HABP4: variants seen among roughly 807,000 people sequenced by gnomAD.
HABP4 encodes the protein intracellular hyaluronan-binding protein 4.
Under a neutral mutation model 44.1 loss-of-function variants are expected in HABP4, and 32 were observed. The observed-to-expected ratio is 0.73, with a 90% CI of 0.55 to 0.97. The LOEUF (loss-of-function observed/expected upper bound fraction) is 0.97, where lower values mean the gene tolerates loss of function less well. Among genes scored for constraint, HABP4 ranks in the 50% least tolerant of loss-of-function variants. HABP4 has a pLI of 0.00. For missense variants in HABP4, 503 were observed against 561.9 expected (o/e 0.90, Z 1.06); for synonymous variants, 216 against 218.0 (o/e 0.99, Z 0.08).
At position 96,450,734 on chromosome 9, in the gene HABP4, T is replaced by G. The variant is rs1832258648; in HGVS notation, c.349+106T>G. 2.1e-6 allele frequency: 2 copies of G among 956,650 alleles called. No individual in the cohort carries two copies. Among genetic ancestry groups the G allele is most frequent in the East Asian group, 7.1e-5 (2 of 28,044 alleles). The allele number at this position is 956,650 out of a possible 1,614,324, so 59.3% of individuals were successfully genotyped here. On this transcript the variant is annotated intron_variant, in intron 1 of 7. Transcript: ENST00000375249. This position sits in a 1 kb window ranked among gnomAD's most constrained non-coding sequence, Gnocchi z 4.8. ...GGGGCCCGGGAACAGTAGGGAGAGT[T>G]GAGGGTCCTGGTGGCCGCCGAAGGT...
At chr9:96,463,841 C>G (rs571799791) in intron 2 of HABP4, among the ~76,000 whole-genome samples, 1 of 152,290 alleles carries the variant, frequency 6.6e-6, no homozygotes, top group South Asian at 2.1e-4. Context: ...TGTAACATAC[C>G]TCTACTGCTG....
chr9:96,465,700 C>T lies in HABP4; in HGVS notation c.675-10C>T. ...CTTCTGGTTTAAGGGACTATTCTTT[C>T]TTTCCGTAGAGCAGTCAGAACTGAA... is the stretch of plus-strand genomic sequence containing the variant. On this transcript the variant is annotated splice_polypyrimidine_tract_variant and intron_variant, in intron 3 of 7. Coordinates refer to ENST00000375249, the MANE Select transcript of HABP4 (RefSeq NM_014282.4). 6.3e-7 allele frequency: 1 copy of T among 1,578,250 alleles called. No homozygotes were observed. Among genetic ancestry groups the T allele is most frequent in the South Asian group, 1.1e-5 (1 of 90,342 alleles).
chr9:96,488,145 C>T lies in HABP4; in HGVS notation c.1056C>T (p.Asp352=). Residue 352 remains aspartate, a synonymous_variant, in exon 7 of 8, where the codon GAC becomes GAT. Coordinates refer to ENST00000375249, the MANE Select transcript of HABP4 (RefSeq NM_014282.4). The surrounding 1 kb of genome is among the most constrained non-coding windows in gnomAD (Gnocchi z 4.6). ...ATGTTTTCCGGAAACCCGCCAATGA[C>T]ATCACATCCCAGCTGGAGATTAATT... is the stretch of plus-strand genomic sequence containing the variant. ...DSHVFRKPAN[D]ITSQLEINFG... The T allele has an allele frequency of 6.2e-7, 1 of 1,613,226 alleles. No homozygotes were observed. The highest frequency in any genetic ancestry group is 8.5e-7 in the Non-Finnish European group (1 of 1,179,144).
intron 4 of HABP4, among the ~76,000 whole-genome samples, chr9:96,468,106 A>G (rs1430336838): frequency 6.6e-6 from 1 of 152,050 alleles, no homozygotes; most frequent in Non-Finnish European, 1.5e-5. Context: ...TCTCTAAGAC[A>G]GGGTCTGACT....
chr9:96,476,649 A>C (rs932893486), intron 5 of HABP4, among the ~76,000 whole-genome samples: 2 of 152,250 alleles, frequency 1.3e-5, no homozygotes, highest in African/African-American at 4.8e-5. Context: ...CGAAGGATAC[A>C]TCTCTTCCTG....
chr9:96,471,086 TC>T lies in HABP4; in HGVS notation c.821del (p.Pro274GlnfsTer9). 1 of 1,543,742 alleles carries T rather than the reference TC, an allele frequency of 6.5e-7. No individual in the cohort carries two copies. Among genetic ancestry groups the T allele is most frequent in the African/African-American group, 1.4e-5 (1 of 73,676 alleles). The stretch of plus-strand genomic sequence containing the variant: ...CCCAGGGCACCCCGGAAGAGGAGTC[TC>T]CAGCCAAGTAGGGCATTTTGTTCAT... ...ESQGTPEEESPAKVPELEVEE... is the reference protein window; with the variant it reads ...ESQGTPEEESXAKVPELEVEE... On this transcript the variant is annotated frameshift_variant, in exon 5 of 8. Coordinates refer to ENST00000375249, the MANE Select transcript of HABP4 (RefSeq NM_014282.4). LOFTEE classifies it high-confidence loss of function.
At chr9:96,459,976 GCTT>G (rs1479496755) in intron 2 of HABP4, among the ~76,000 whole-genome samples, 1 of 152,168 alleles carries the variant, frequency 6.6e-6, no homozygotes, top group Non-Finnish European at 1.5e-5. Context: ...TTTCTGCAAA[GCTT>G]CTTGTAGCAG....
rs1048277725 is a variant in HABP4 at position 96,450,376 on chromosome 9, G to T, written c.97G>T (p.Asp33Tyr). The T allele has an allele frequency of 3.1e-5, 41 of 1,314,952 alleles. No individual in the cohort carries two copies. The highest frequency in any genetic ancestry group is 3.7e-5 in the Non-Finnish European group (37 of 1,007,572). 81.5% of individuals were successfully genotyped at this position (1,314,952 alleles called of 1,614,324 possible). A position where few individuals can be genotyped will look rare whatever the true frequency, so the allele number is the denominator to read the frequency against. Reference protein sequence around the residue: ...VVANRFHQLLDDESDPFDILR... With the variant: ...VVANRFHQLLYDESDPFDILR... ...GGCCAACCGCTTCCATCAGCTGCTG[G>T]ACGACGAGTCGGACCCGTTCGACAT... Residue 33 changes from aspartate to tyrosine, a missense_variant, in exon 1 of 8, where the codon GAC becomes TAC. Asp to Tyr is a radical substitution (Grantham distance 160, BLOSUM62 -3). This residue lies in a region of HABP4 where 290 missense variants were observed against 300.5 expected (regional missense o/e 0.97). Transcript: ENST00000375249. The surrounding 1 kb of genome is among the most constrained non-coding windows in gnomAD (Gnocchi z 4.8).
intron 5 of HABP4, among the ~76,000 whole-genome samples, chr9:96,473,313 A>G (rs1250692924): frequency 6.6e-6 from 1 of 151,970 alleles, no homozygotes; most frequent in African/African-American, 2.4e-5. Flanking sequence ...CAGTGTTTCC[A>G]TCCAACTGTA....
chr9:96,485,848 C>T (rs1043369661), intron 6 of HABP4, among the ~76,000 whole-genome samples: 2 of 152,048 alleles, frequency 1.3e-5, no homozygotes, highest in African/African-American at 2.4e-5. Context: ...CATGTGGAAT[C>T]TCAGGAATGT....
chr9:96,452,159 G>A (rs1402052712), intron 1 of HABP4, among the ~76,000 whole-genome samples: 1 of 151,070 alleles, frequency 6.6e-6, no homozygotes, highest in African/African-American at 2.4e-5. Flanking sequence ...CCCAGGAGGC[G>A]GAGCTTGCAG....
chr9:96,483,274 CT>C (rs1365829836), intron 5 of HABP4: 1 of 152,118 alleles, frequency 6.6e-6, no homozygotes, highest in African/African-American at 2.4e-5. Context: ...ATTTGTATAT[CT>C]TCTCTGGAAA....
intron 2 of HABP4, among the ~76,000 whole-genome samples, chr9:96,464,208 T>C (rs1040916446): frequency 3.3e-5 from 5 of 152,106 alleles, no homozygotes; most frequent in Non-Finnish European, 5.9e-5. Flanking sequence ...TGTGCCTGAC[T>C]TGGGGATGTC....
At chr9:96,462,931 A>G (rs75498483) in intron 2 of HABP4, among the ~76,000 whole-genome samples, 102 of 152,120 alleles carry the variant, frequency 6.7e-4, no homozygotes, top group African/African-American at 2.3e-3. Flanking sequence ...GAAAAAAAAA[A>G]TTACTGTTAC....
chr9:96,458,509 A>G lies in HABP4; in HGVS notation c.480A>G (p.Ala160=), dbSNP rs369790298. 11 of 1,613,580 alleles carry G rather than the reference A, an allele frequency of 6.8e-6. No individual in the cohort carries two copies. The highest frequency in any genetic ancestry group is 2.2e-5 in the South Asian group (2 of 91,070). ...GACCCTATGAGACAGAGAGGCAGGC[A>G]GACTTCACAGCTGAGAAGTTTCCAG... is the stretch of plus-strand genomic sequence containing the variant. ...EYRPYETERQ[A]DFTAEKFPDE... is the part of the protein sequence containing the mutation. The change falls in exon 2 of 8, where the codon GCA becomes GCG. Residue 160 remains alanine, a synonymous_variant. Transcript: ENST00000375249.
At chr9:96,483,491 A>G (rs1389485358) in intron 5 of HABP4, 1 of 151,912 alleles carries the variant, frequency 6.6e-6, no homozygotes, top group East Asian at 1.9e-4. Context: ...GCCTCAAGCG[A>G]TCCTCCCACC....
In HABP4 at chr9:96,450,752, C is replaced by A; in HGVS notation, c.349+124C>A. On this transcript the variant is annotated intron_variant, in intron 1 of 7. Coordinates refer to ENST00000375249, the MANE Select transcript of HABP4 (RefSeq NM_014282.4). This position sits in a 1 kb window ranked among gnomAD's most constrained non-coding sequence, Gnocchi z 4.8. ...GGAGAGTTGAGGGTCCTGGTGGCCG[C>A]CGAAGGTAGGAGGAGAGGGGCAGGG... is the stretch of plus-strand genomic sequence containing the variant. 2.5e-6 allele frequency: 2 copies of A among 791,170 alleles called. No individual in the cohort carries two copies. Among genetic ancestry groups the A allele is most frequent in the Non-Finnish European group, 3.4e-6 (2 of 593,616 alleles). 49.0% of individuals were successfully genotyped at this position (791,170 alleles called of 1,614,324 possible). A position where few individuals can be genotyped will look rare whatever the true frequency, so the allele number is the denominator to read the frequency against.
chr9:96,479,657 C>A (rs1832843849), intron 5 of HABP4, among the ~76,000 whole-genome samples: 1 of 151,938 alleles, frequency 6.6e-6, no homozygotes, highest in South Asian at 2.1e-4. Context: ...ATTACAGGTG[C>A]CTGCCACCAT....
chr9:96,450,565 A>G lies in HABP4; in HGVS notation c.286A>G (p.Lys96Glu). 1 of 1,276,906 alleles carries G rather than the reference A, an allele frequency of 7.8e-7. No individual in the cohort carries two copies. The highest frequency in any genetic ancestry group is 9.9e-7 in the Non-Finnish European group (1 of 1,012,038). The allele number at this position is 1,276,906 out of a possible 1,614,324, so 79.1% of individuals were successfully genotyped here. Residue 96 changes from lysine (K) to glutamate (E), a missense_variant, in exon 1 of 8, where the codon AAG (lysine) becomes GAG (glutamate). Coordinates refer to ENST00000375249, the MANE Select transcript of HABP4 (RefSeq NM_014282.4). This position sits in a 1 kb window ranked among gnomAD's most constrained non-coding sequence, Gnocchi z 4.8. ...CCGGAGGGAGTCGCAGAAGGAGCGC[A>G]AGAGCCTCCCGGCGCCCGTCGCTCA... is the stretch of plus-strand genomic sequence containing the variant. ...GGRRESQKER[K>E]SLPAPVAQRP... is the part of the protein sequence containing the mutation.
Sources: gnomAD v4.1 joint callset for allele counts (sites outside exome capture counted in the v4.1 genomes callset) on GRCh38, gnomAD v4.1.1 for gene constraint, gnomAD v4.1.1 regional missense constraint, Gnocchi (gnomAD v3.1) non-coding constraint, MANE v1.5 for transcripts, NCBI Gene and HGNC (gene_info 2026-07-23, HGNC 2026-07-21) for gene names.